Variants in LRPPRC observed in about 807,000 individuals in gnomAD.
The protein encoded by LRPPRC is leucine rich pentatricopeptide repeat containing.
In LRPPRC, 120 loss-of-function variants were observed where a neutral mutation model predicts 180.3. That is an observed-to-expected ratio of 0.67 (90% confidence interval 0.57 to 0.77). The LOEUF is 0.77. LRPPRC is among the 30% of genes least tolerant of loss of function. The pLI, the probability that LRPPRC is intolerant of heterozygous loss-of-function variation, is 0.00. For missense variants in LRPPRC, 2,012 were observed against 1,657.2 expected (o/e 1.21, Z -3.72); for synonymous variants, 723 against 600.0 (o/e 1.21, Z -3.00).
intron 13 of LRPPRC, among the ~76,000 whole-genome samples, chr2:43,959,745 A>G (rs1190754704): frequency 6.6e-6 from 1 of 152,092 alleles, no homozygotes; most frequent in East Asian, 1.9e-4. Flanking sequence ...TTAGCTGGGC[A>G]TAGTGGCATG....
At chr2:43,902,647 A>G (rs1670929173) in intron 31 of LRPPRC, 1 of 152,212 alleles carries the variant, frequency 6.6e-6, no homozygotes, top group Non-Finnish European at 1.5e-5. Flanking sequence ...GTTAAAAAGC[A>G]TAGTCAATAA....
At chr2:43,991,454 A>G (rs1466919169) in intron 1 of LRPPRC, among the ~76,000 whole-genome samples, 1 of 152,206 alleles carries the variant, frequency 6.6e-6, no homozygotes, top group Non-Finnish European at 1.5e-5. Flanking sequence ...TGTAATTTTC[A>G]CCTTTAGGCC....
At chr2:43,891,978 C>T (rs1277332100) in intron 36 of LRPPRC, among the ~76,000 whole-genome samples, 1 of 152,204 alleles carries the variant, frequency 6.6e-6, no homozygotes, top group Non-Finnish European at 1.5e-5. Context: ...TTTTATTGGT[C>T]CGGATAGAAG....
intron 18 of LRPPRC, 102 bp downstream of exon 18, chr2:43,948,018 CAA>C: frequency 1.2e-6 from 1 of 840,590 alleles, no homozygotes; most frequent in East Asian, 2.5e-5. Flanking sequence ...GTCATTGAAA[CAA>C]ATTTTTTTTC....
At chr2:43,992,946 G>C (rs889258862) in intron 1 of LRPPRC, among the ~76,000 whole-genome samples, 2 of 152,138 alleles carry the variant, frequency 1.3e-5, no homozygotes, top group South Asian at 2.1e-4. Context: ...GGTCACAAAA[G>C]AGAATGAAAA....
chr2:43,913,368 A>G (rs1320597090), intron 29 of LRPPRC, among the ~76,000 whole-genome samples: 2 of 152,194 alleles, frequency 1.3e-5, no homozygotes, highest in African/African-American at 4.8e-5. Context: ...TGGGGCATAA[A>G]TGAACTATCA....
chr2:43,935,924 A>G (rs2105062704), intron 23 of LRPPRC, among the ~76,000 whole-genome samples: 1 of 152,286 alleles, frequency 6.6e-6, no homozygotes, highest in East Asian at 1.9e-4. Context: ...TCTCTATTAA[A>G]AATATAAAAT....
rs565513243 is a variant in LRPPRC, at chr2:43,994,412, C to A, written c.149+1387G>T. Among the ~76,000 whole-genome samples, 5 of 152,308 alleles carry A rather than the reference C, an allele frequency of 3.3e-5. No individual in the cohort carries two copies. In the South Asian group the frequency reaches 1.0e-3, roughly 32 times the overall value. On this transcript the variant is annotated intron_variant, in intron 1 of 37. Coordinates refer to ENST00000260665, the MANE Select transcript of LRPPRC (RefSeq NM_133259.4). ...ATATTATGACTCCTGTAGTAACCAA[C>A]AAAGCACTTACTAGGCATCAGGCCC...
In LRPPRC at chr2:43,976,155, T is replaced by C. The variant is rs1559045081; in HGVS notation, c.725A>G (p.His242Arg). ...EAVFSALVTG[H>R]ARAGDMENAE... ...GGTTGAACATTACCCAGCTCTGGCA[T>C]GCCCTGTCACAAGGGCACTGAATAC... is the stretch of plus-strand genomic sequence containing the variant. The change falls in exon 6 of 38, where the codon CAT (histidine) becomes CGT (arginine). Residue 242 changes from histidine (H) to arginine (R), a missense_variant. Transcript: ENST00000260665. The C allele has an allele frequency of 6.2e-7, 1 of 1,605,994 alleles. No homozygotes were observed.
At position 43,886,470 on chromosome 2, in the gene LRPPRC, G is replaced by A. The variant is rs933220825; in HGVS notation, c.*2130C>T. 1.3e-5 allele frequency: 2 copies of A among 152,100 alleles called. No homozygotes were observed. The highest frequency in any genetic ancestry group is 2.9e-5 in the Non-Finnish European group (2 of 68,018). 9.4% of individuals were successfully genotyped at this position (152,100 alleles called of 1,614,324 possible). A position where few individuals can be genotyped will look rare whatever the true frequency, so the allele number is the denominator to read the frequency against. ...CACTCATAAGCCCACCTACAGTATA[G>A]TTATTATACTTTAAATATTTATATT... is the stretch of plus-strand genomic sequence containing the variant. On this transcript the variant is annotated 3_prime_UTR_variant, in exon 38 of 38. Coordinates refer to ENST00000260665, the MANE Select transcript of LRPPRC (RefSeq NM_133259.4).
chr2:43,985,591 C>T (rs1289449710), intron 1 of LRPPRC, among the ~76,000 whole-genome samples: 2 of 152,212 alleles, frequency 1.3e-5, no homozygotes, highest in African/African-American at 4.8e-5. Context: ...CAGCATGCTG[C>T]CCTTTCAGAT....
chr2:43,993,118 G>A (rs556492282), intron 1 of LRPPRC, among the ~76,000 whole-genome samples: 18 of 152,066 alleles, frequency 1.2e-4, no homozygotes, highest in Non-Finnish European at 2.4e-4. Flanking sequence ...CTCATGAAGG[G>A]GAAAATGGAA....
chr2:43,943,757 T>A lies in LRPPRC; in HGVS notation c.2434A>T (p.Ile812Phe), dbSNP rs1672574814. Residue 812 changes from isoleucine to phenylalanine, a missense_variant, in exon 23 of 38, where the codon ATC (isoleucine) becomes TTC (phenylalanine). Ile to Phe is a conservative substitution (Grantham distance 21). Transcript: ENST00000260665. ...GGTTCTGCTAACCCTAGAGTCACGA[T>A]GGCTTCATGCAACTGTTTTACTGTT... ...IETVKQLHEA[I>F]VTLGLAEPST... 1 of 1,613,618 alleles carries A rather than the reference T, an allele frequency of 6.2e-7. No individual in the cohort carries two copies. The highest frequency in any genetic ancestry group is 1.1e-5 in the South Asian group (1 of 91,082).
chr2:43,983,500 C>T (rs758936005), intron 1 of LRPPRC, among the ~76,000 whole-genome samples: 1 of 152,042 alleles, frequency 6.6e-6, no homozygotes, highest in African/African-American at 2.4e-5. Context: ...TGAAGGAAAC[C>T]TGTTATCAAT....
At chr2:43,964,636 A>G (rs1434473437) in intron 11 of LRPPRC, among the ~76,000 whole-genome samples, 1 of 152,208 alleles carries the variant, frequency 6.6e-6, no homozygotes, top group Admixed American at 6.5e-5. Context: ...AGAAAAACAC[A>G]AGCAAGTCTA....
chr2:43,916,530 A>C (rs865774524), intron 29 of LRPPRC, among the ~76,000 whole-genome samples: 4 of 152,218 alleles, frequency 2.6e-5, no homozygotes, highest in Admixed American at 6.5e-5. Flanking sequence ...TTAATGCCTT[A>C]ATCATTTTTT....
In LRPPRC at chr2:43,974,248, C is replaced by A. The variant is rs763592077; in HGVS notation, c.1057G>T (p.Val353Leu). ...CATGCTAGTAAAATTTGCAACGCTA[C>A]ATCTTCCAATTTTTCAGTGACTAAA... ...LLLVTEKLED[V>L]ALQILLACPV... is the part of the protein sequence containing the mutation. Residue 353 changes from valine to leucine, a missense_variant, in exon 9 of 38, where the codon GTA becomes TTA. Transcript: ENST00000260665. 6.2e-7 allele frequency: 1 copy of A among 1,611,536 alleles called. No individual in the cohort carries two copies. The highest frequency in any genetic ancestry group is 1.3e-5 in the African/African-American group (1 of 74,908).
intron 29 of LRPPRC, among the ~76,000 whole-genome samples, chr2:43,915,936 G>A (rs1272612627): frequency 1.3e-5 from 2 of 151,974 alleles, no homozygotes; most frequent in Non-Finnish European, 2.9e-5. Context: ...AGGCTAATTT[G>A]TGTATTTTCT....
intron 30 of LRPPRC, among the ~76,000 whole-genome samples, chr2:43,908,741 G>A (rs1230211609): frequency 6.6e-6 from 1 of 152,144 alleles, no homozygotes; most frequent in Non-Finnish European, 1.5e-5. Flanking sequence ...TGGCCAGGCT[G>A]GTCTTGAACT....
Sources: allele counts gnomAD v4.1 joint callset (sites outside exome capture counted in the v4.1 genomes callset), GRCh38; gene constraint gnomAD v4.1.1; transcripts MANE v1.5; gene names NCBI Gene and HGNC (gene_info 2026-07-23, HGNC 2026-07-21).